The following CDIP1 variants were observed in gnomAD, a reference collection of about 807,000 sequenced individuals.
CDIP1 encodes cell death-inducing p53-target protein 1.
Under a neutral mutation model 17.7 loss-of-function variants are expected in CDIP1, and 9 were observed. That is an observed-to-expected ratio of 0.51 (90% CI 0.31 to 0.89). The LOEUF (loss-of-function observed/expected upper bound fraction) is 0.89. Among genes scored for constraint, CDIP1 ranks in the 40% least tolerant of loss-of-function variants. CDIP1 has a pLI of 0.05. For synonymous variants in CDIP1, 117 were observed against 109.5 expected (o/e 1.07, Z -0.43); for missense variants, 263 against 277.9 (o/e 0.95, Z 0.38).
rs1409413897 is a variant in CDIP1, at chr16:4,528,173, GAATA to G, written c.-105+10525_-105+10528del. Among the ~76,000 whole-genome samples the G allele has an allele frequency of 2.0e-5, 3 of 152,322 alleles. No individual in the cohort carries two copies. The East Asian group carries it at 5.8e-4, about 29-fold the overall frequency. On this transcript the variant is annotated intron_variant, in intron 1 of 5. Transcript: ENST00000567695. ...TGGTTTTAATATAGCAGTGAGTGAA[GAATA>G]AAAAAGCAGTAGCACAGTGTGATTC...
At chr16:4,526,287 C>T (rs972175707) in intron 1 of CDIP1, among the ~76,000 whole-genome samples, 2 of 152,172 alleles carry the variant, frequency 1.3e-5, no homozygotes. Context: ...CGCCTGTAAT[C>T]CCAGCTACTC....
At chr16:4,531,098 G>C (rs771473112) in intron 1 of CDIP1, among the ~76,000 whole-genome samples, 1 of 151,700 alleles carries the variant, frequency 6.6e-6, no homozygotes. Flanking sequence ...GCGTGATCTC[G>C]GCTCATTGCA....
intron 1 of CDIP1, among the ~76,000 whole-genome samples, chr16:4,537,438 C>G (rs545294399): frequency 6.6e-6 from 1 of 152,360 alleles, no homozygotes; most frequent in South Asian, 2.1e-4. Context: ...CCACCCAGTT[C>G]TACCTAGATC....
chr16:4,513,017 G>T lies in CDIP1; in HGVS notation c.289C>A (p.Pro97Thr). ...GPHPPMGYYP[P>T]GPYTPGPYPG... Reference sequence around the variant, plus strand: ...TAGGGCCCTGGCGTGTAGGGCCCTGGGGGGTAGTAGCCCATGGGTGGGTGG... The same window carrying T: ...TAGGGCCCTGGCGTGTAGGGCCCTGTGGGGTAGTAGCCCATGGGTGGGTGG... The change falls in exon 5 of 6, where the codon CCA (proline) becomes ACA (threonine). Residue 97 changes from proline (P) to threonine (T), a missense_variant. Pro to Thr is a conservative substitution (Grantham distance 38). Coordinates refer to ENST00000567695, the MANE Select transcript of CDIP1 (RefSeq NM_013399.3). This position sits in a 1 kb window ranked among gnomAD's most constrained non-coding sequence, Gnocchi z 4.1. 4 of 1,593,444 alleles carry T rather than the reference G, an allele frequency of 2.5e-6. No individual in the cohort carries two copies. The highest frequency in any genetic ancestry group is 3.4e-6 in the Non-Finnish European group (4 of 1,171,914).
chr16:4,524,467 C>T (rs998211307), intron 1 of CDIP1, among the ~76,000 whole-genome samples: 2 of 152,200 alleles, frequency 1.3e-5, no homozygotes, highest in African/African-American at 2.4e-5. Flanking sequence ...AGAGGGTCCC[C>T]GAGCTTTCTT....
chr16:4,530,023 A>G (rs994068633), intron 1 of CDIP1, among the ~76,000 whole-genome samples: 3 of 152,230 alleles, frequency 2.0e-5, no homozygotes, highest in African/African-American at 4.8e-5. Context: ...GTCAGTCACC[A>G]TACATACCTG....
At chr16:4,525,980 A>T (rs901147183) in intron 1 of CDIP1, among the ~76,000 whole-genome samples, 1 of 152,140 alleles carries the variant, frequency 6.6e-6, no homozygotes, top group African/African-American at 2.4e-5. Flanking sequence ...TGGGAATTCT[A>T]AACACTTCAA....
At chr16:4,521,493 T>C (rs987967576) in intron 1 of CDIP1, among the ~76,000 whole-genome samples, 25 of 151,904 alleles carry the variant, frequency 1.6e-4, no homozygotes, top group African/African-American at 5.3e-4. Flanking sequence ...CCTGAGTTTG[T>C]TGTTCTGGCA....
rs1303120970 is a variant in CDIP1, at chr16:4,538,752, G to C, written c.-155C>G. ...CCGCAACAGCAGGACCGAACGCCTC[G>C]GCAGCTGGCAGTCGCACTTCTGTCA... On this transcript the variant is annotated 5_prime_UTR_variant, in exon 1 of 6. Coordinates refer to ENST00000567695, the MANE Select transcript of CDIP1 (RefSeq NM_013399.3). The C allele has an allele frequency of 6.6e-6, 1 of 152,230 alleles. No individual in the cohort carries two copies. Among genetic ancestry groups the C allele is most frequent in the South Asian group, 2.1e-4 (1 of 4,828 alleles). The allele number at this position is 152,230 out of a possible 1,614,324, so 9.4% of individuals were successfully genotyped here.
chr16:4,535,430 C>G (rs550311941), intron 1 of CDIP1, among the ~76,000 whole-genome samples: 15 of 152,356 alleles, frequency 9.8e-5, no homozygotes, highest in Admixed American at 3.9e-4. Flanking sequence ...AGGAAAGAAT[C>G]AGAATGCTCC....
intron 1 of CDIP1, among the ~76,000 whole-genome samples, chr16:4,525,017 T>C (rs535941184): frequency 3.9e-5 from 6 of 152,184 alleles, no homozygotes; most frequent in Admixed American, 2.6e-4. Context: ...GGGAGGATTG[T>C]TCTAGCCCAG....
chr16:4,528,957 C>T (rs1461012690), intron 1 of CDIP1, among the ~76,000 whole-genome samples: 2 of 152,100 alleles, frequency 1.3e-5, no homozygotes. Context: ...TCATTGTACT[C>T]CAGGCCGGGC....
chr16:4,534,800 C>T (rs1220795909), intron 1 of CDIP1, among the ~76,000 whole-genome samples: 1 of 151,330 alleles, frequency 6.6e-6, no homozygotes, highest in East Asian at 1.9e-4. Context: ...CTCACTGCAA[C>T]CTCCACCTGC....
intron 1 of CDIP1, among the ~76,000 whole-genome samples, chr16:4,517,579 A>T (rs2058901096): frequency 6.6e-6 from 1 of 152,156 alleles, no homozygotes; most frequent in South Asian, 2.1e-4. Context: ...TGTCTCTACA[A>T]AAGAAAAATT....
chr16:4,526,138 G>A (rs1051045752), intron 1 of CDIP1, among the ~76,000 whole-genome samples: 1 of 152,140 alleles, frequency 6.6e-6, no homozygotes, highest in Admixed American at 6.6e-5. Flanking sequence ...CAGGCACGGT[G>A]GCTCATGCCT....
Position 4,534,014 on chromosome 16 carries a change from G to A in CDIP1, c.-105+4688C>T, listed in dbSNP as rs138341494. Among the ~76,000 whole-genome samples, 10 of 151,964 alleles carry A rather than the reference G, an allele frequency of 6.6e-5. No individual in the cohort carries two copies. The East Asian group carries it at 1.6e-3, about 24-fold the overall frequency. On this transcript the variant is annotated intron_variant, in intron 1 of 5. Coordinates refer to ENST00000567695, the MANE Select transcript of CDIP1 (RefSeq NM_013399.3). The stretch of plus-strand genomic sequence containing the variant: ...CACCCAGGCTGGAGTCCATTGGTGC[G>A]ATCTCGGCTAGCTGCAACCCCCAAC...
In CDIP1 at chr16:4,513,012, C is replaced by A; in HGVS notation, c.294G>T (p.Gly98=). Residue 98 remains glycine (G), a synonymous_variant, in exon 5 of 6, where the codon GGG becomes GGT. Transcript: ENST00000567695. The surrounding 1 kb of genome is among the most constrained non-coding windows in gnomAD (Gnocchi z 4.1). ...CAGGGTAGGGCCCTGGCGTGTAGGG[C>A]CCTGGGGGGTAGTAGCCCATGGGTG... is the stretch of plus-strand genomic sequence containing the variant. ...PHPPMGYYPP[G]PYTPGPYPGP... is the part of the protein sequence containing the mutation. The A allele has an allele frequency of 1.3e-6, 2 of 1,591,904 alleles. No homozygotes were observed. Among genetic ancestry groups the A allele is most frequent in the South Asian group, 1.1e-5 (1 of 87,552 alleles).
At chr16:4,524,528 T>C (rs2058980707) in intron 1 of CDIP1, among the ~76,000 whole-genome samples, 7 of 152,152 alleles carry the variant, frequency 4.6e-5, no homozygotes, top group Admixed American at 3.9e-4. Flanking sequence ...GTCCAGACCA[T>C]AAGAAGGCAT....
chr16:4,523,532 C>T (rs1023411626), intron 1 of CDIP1, among the ~76,000 whole-genome samples: 2 of 152,032 alleles, frequency 1.3e-5, no homozygotes, highest in African/African-American at 4.8e-5. Flanking sequence ...AAAAAAAAGA[C>T]ATGTCCCTGC....
Sources: allele counts gnomAD v4.1 joint callset (sites outside exome capture counted in the v4.1 genomes callset), GRCh38; gene constraint gnomAD v4.1.1; non-coding constraint Gnocchi (gnomAD v3.1); transcripts MANE v1.5; gene names NCBI Gene and HGNC (gene_info 2026-07-23, HGNC 2026-07-21).